Variants in JAKMIP2 observed in about 807,000 individuals in gnomAD.
JAKMIP2 encodes janus kinase and microtubule-interacting protein 2.
JAKMIP2 carries 25 observed loss-of-function variants against 115.0 expected under a neutral mutation model. The observed-to-expected ratio is 0.22, with a 90% CI of 0.16 to 0.30. The LOEUF (loss-of-function observed/expected upper bound fraction) is 0.30. JAKMIP2 is among the 10% of genes least tolerant of loss of function. JAKMIP2 has a pLI of 1.00. For synonymous variants in JAKMIP2, 334 were observed against 343.6 expected (o/e 0.97, Z 0.31); for missense variants, 642 against 957.6 (o/e 0.67, Z 4.35).
At chr5:147,704,658 C>G (rs1298499236) in intron 1 of JAKMIP2, among the ~76,000 whole-genome samples, 1 of 152,156 alleles carries the variant, frequency 6.6e-6, no homozygotes, top group Admixed American at 6.5e-5. Flanking sequence ...GGAAAGCCAA[C>G]TGGATTCCCT....
At chr5:147,660,823 G>T in intron 3 of JAKMIP2, 125 bp downstream of exon 3, 1 of 1,094,400 alleles carries the variant, frequency 9.1e-7, no homozygotes, top group Non-Finnish European at 1.3e-6. Flanking sequence ...ATAGAGCACT[G>T]GACAAAAGGT....
chr5:147,705,645 T>C (rs868078040), intron 1 of JAKMIP2, among the ~76,000 whole-genome samples: 2 of 152,038 alleles, frequency 1.3e-5, no homozygotes, highest in Non-Finnish European at 2.9e-5. Context: ...ACCTTTCCGA[T>C]ATGCAAAGCA....
chr5:147,609,572 G>A (rs1257861444), intron 20 of JAKMIP2, among the ~76,000 whole-genome samples: 1 of 152,104 alleles, frequency 6.6e-6, no homozygotes, highest in African/African-American at 2.4e-5. Context: ...TTCCCTTTGT[G>A]GGTAACCCGC....
chr5:147,714,369 T>C (rs1001077763), intron 1 of JAKMIP2, among the ~76,000 whole-genome samples: 4 of 152,058 alleles, frequency 2.6e-5, no homozygotes, highest in South Asian at 2.1e-4. Context: ...GATGAGTTCA[T>C]TGGAATTTAG....
At chr5:147,727,024 G>A (rs1001780453) in intron 1 of JAKMIP2, among the ~76,000 whole-genome samples, 2 of 152,224 alleles carry the variant, frequency 1.3e-5, no homozygotes, top group Admixed American at 6.5e-5. Context: ...CCTGGGTTCA[G>A]GGTTCAATTC....
At chr5:147,733,182 CA>C in intron 1 of JAKMIP2, among the ~76,000 whole-genome samples, 1 of 152,068 alleles carries the variant, frequency 6.6e-6, no homozygotes, top group African/African-American at 2.4e-5. Context: ...TAAATGTGGA[CA>C]AAAAATAGAC....
In JAKMIP2 at chr5:147,631,454, C is replaced by T. The variant is rs1757345355; in HGVS notation, c.1834G>A (p.Val612Met). The part of the protein sequence containing the change: ...NLQIHPFSDG[V>M]SALQIYCMKE... ...ATACAGTAGATCTGTAGAGCACTCA[C>T]ACCATCTGAGAATGGGTGAATTTGG... The change falls in exon 14 of 22, where the codon GTG becomes ATG. Residue 612 changes from valine (V) to methionine (M), a missense_variant. Coordinates refer to ENST00000616793, the MANE Select transcript of JAKMIP2 (RefSeq NM_001270941.2). 1 of 1,612,342 alleles carries T rather than the reference C, an allele frequency of 6.2e-7. No homozygotes were observed. The highest frequency in any genetic ancestry group is 8.5e-7 in the Non-Finnish European group (1 of 1,178,538).
At chr5:147,771,326 C>T (rs1446134948) in intron 1 of JAKMIP2, among the ~76,000 whole-genome samples, 1 of 151,846 alleles carries the variant, frequency 6.6e-6, no homozygotes, top group African/African-American at 2.4e-5. Flanking sequence ...AGAATAGAAT[C>T]ACTTTTTTCA....
At position 147,633,735 on chromosome 5, in the gene JAKMIP2, C is replaced by T. The variant is rs1409728852; in HGVS notation, c.1678-957G>A. On this transcript the variant is annotated intron_variant, in intron 12 of 21. Coordinates refer to ENST00000616793, the MANE Select transcript of JAKMIP2 (RefSeq NM_001270941.2). ...TTTGAGATGAAGTCTTGCTCTTGTC[C>T]CCGAGGCTGGAGTGCATGATCTCAG... Among the ~76,000 whole-genome samples the T allele has an allele frequency of 4.7e-5, 7 of 148,718 alleles. No homozygotes were observed. The South Asian group carries it at 1.5e-3, about 32-fold the overall frequency.
intron 1 of JAKMIP2, among the ~76,000 whole-genome samples, chr5:147,694,632 T>C (rs1752023153): frequency 6.6e-6 from 1 of 152,234 alleles, no homozygotes; most frequent in African/African-American, 2.4e-5. Flanking sequence ...GATGTGTAAT[T>C]TGGCCTCTCA....
chr5:147,780,659 G>A (rs781274694), intron 1 of JAKMIP2, among the ~76,000 whole-genome samples: 4 of 152,126 alleles, frequency 2.6e-5, no homozygotes, highest in Non-Finnish European at 4.4e-5. Flanking sequence ...AACATGCTAT[G>A]AGCACATGCA....
chr5:147,593,114 G>A (rs1165831394), intron 21 of JAKMIP2, among the ~76,000 whole-genome samples: 1 of 152,198 alleles, frequency 6.6e-6, no homozygotes, highest in Non-Finnish European at 1.5e-5. Context: ...TATGTGAGCA[G>A]AGAACTGAAG....
chr5:147,600,826 G>C (rs1338938594), intron 21 of JAKMIP2, among the ~76,000 whole-genome samples: 1 of 151,932 alleles, frequency 6.6e-6, no homozygotes, highest in Non-Finnish European at 1.5e-5. Context: ...ATGTATTCAT[G>C]AGACATGGAC....
chr5:147,705,626 T>A (rs1752531691), intron 1 of JAKMIP2, among the ~76,000 whole-genome samples: 1 of 152,138 alleles, frequency 6.6e-6, no homozygotes, highest in African/African-American at 2.4e-5. Flanking sequence ...CATCTCTACC[T>A]TGGGCGTCAC....
chr5:147,606,968 GCTCT>G (rs1305612073), intron 20 of JAKMIP2, among the ~76,000 whole-genome samples: 2 of 152,102 alleles, frequency 1.3e-5, no homozygotes, highest in East Asian at 1.9e-4. Context: ...TCATGATTTG[GCTCT>G]CTGTCTATTA....
At chr5:147,708,941 CTAAAG>C (rs1358143482) in intron 1 of JAKMIP2, among the ~76,000 whole-genome samples, 2 of 152,164 alleles carry the variant, frequency 1.3e-5, no homozygotes, top group Non-Finnish European at 2.9e-5. Context: ...AGTGACTCTC[CTAAAG>C]TAAACAACCA....
intron 1 of JAKMIP2, among the ~76,000 whole-genome samples, chr5:147,757,068 G>T (rs1334875882): frequency 6.6e-6 from 1 of 152,102 alleles, no homozygotes; most frequent in Non-Finnish European, 1.5e-5. Flanking sequence ...TGAAATAAAT[G>T]AATGTATGCA....
intron 1 of JAKMIP2, among the ~76,000 whole-genome samples, chr5:147,771,726 C>T (rs1315079726): frequency 6.6e-6 from 1 of 152,062 alleles, no homozygotes; most frequent in East Asian, 1.9e-4. Flanking sequence ...ACTTATGTTT[C>T]TCCTGTAATT....
intron 7 of JAKMIP2, among the ~76,000 whole-genome samples, chr5:147,643,820 G>A (rs1012598534): frequency 4.6e-5 from 7 of 152,194 alleles, no homozygotes; most frequent in Admixed American, 1.3e-4. Context: ...TTCTTTTAAT[G>A]TGCTTTGCTG....
Sources: gnomAD v4.1 joint callset for allele counts (sites outside exome capture counted in the v4.1 genomes callset) on GRCh38, gnomAD v4.1.1 for gene constraint, MANE v1.5 for transcripts, NCBI Gene and HGNC (gene_info 2026-07-23, HGNC 2026-07-21) for gene names.